Variants in DIAPH2 observed in about 807,000 individuals in gnomAD.
DIAPH2 encodes the protein diaphanous related formin 2.
DIAPH2 carries 35 observed loss-of-function variants against 92.7 expected under a neutral mutation model. The ratio of observed to expected loss-of-function variants is 0.38; its 90% CI spans 0.29 to 0.50. The LOEUF (loss-of-function observed/expected upper bound fraction) is 0.50, where lower values mean the gene tolerates loss of function less well. Ranked by LOEUF, DIAPH2 falls within the 20% of genes least tolerant of loss-of-function variation. The probability of loss-of-function intolerance (pLI) is 0.94; values close to 1 mark genes in which losing one functional copy is unlikely to be tolerated. For synonymous variants in DIAPH2, 301 were observed against 280.4 expected (o/e 1.07, Z -0.73); for missense variants, 701 against 819.5 (o/e 0.86, Z 1.77).
At chrX:97,428,744 TA>T (rs1338137464) in intron 25 of DIAPH2, among the ~76,000 whole-genome samples, 2 of 110,714 alleles carry the variant, frequency 1.8e-5, no homozygotes, top group Non-Finnish European at 3.8e-5. Context: ...GCCACCTATT[TA>T]GGGTCCTTTT....
intron 21 of DIAPH2, among the ~76,000 whole-genome samples, chrX:97,124,832 T>TA (rs751740835): frequency 2.7e-5 from 3 of 112,002 alleles, no homozygotes; most frequent in African/African-American, 9.7e-5. Context: ...ACATGGGACA[T>TA]ACTTGCCTTG....
At chrX:96,929,817 T>G (rs1179158214) in intron 9 of DIAPH2, among the ~76,000 whole-genome samples, 1 of 110,452 alleles carries the variant, frequency 9.1e-6, no homozygotes, top group Non-Finnish European at 1.9e-5. Flanking sequence ...TCTTTAAAAA[T>G]AAAAAAATAA....
intron 26 of DIAPH2, among the ~76,000 whole-genome samples, chrX:97,555,705 ACT>A (rs1358958548): frequency 9.0e-6 from 1 of 111,728 alleles, no homozygotes; most frequent in African/African-American, 3.3e-5. Flanking sequence ...TTTAAATAAA[ACT>A]CTGTGTCAAA....
intron 23 of DIAPH2, among the ~76,000 whole-genome samples, chrX:97,258,189 G>A (rs1303402553): frequency 9.0e-6 from 1 of 111,650 alleles, no homozygotes; most frequent in African/African-American, 3.3e-5. Flanking sequence ...TTTCACTTTG[G>A]TAGGAAAGAG....
At chrX:97,091,157 G>A in intron 19 of DIAPH2, among the ~76,000 whole-genome samples, 1 of 110,784 alleles carries the variant, frequency 9.0e-6, no homozygotes, top group East Asian at 2.8e-4. Flanking sequence ...TCCACCTCCT[G>A]TTCCCCACTT....
chrX:96,684,917 A>G lies in DIAPH2; in HGVS notation c.-142A>G. 1.3e-6 allele frequency: 1 copy of G among 760,931 alleles called. No homozygotes were observed. Among genetic ancestry groups the G allele is most frequent in the Non-Finnish European group, 1.7e-6 (1 of 592,021 alleles). 62.7% of individuals were successfully genotyped at this position (760,931 alleles called of 1,213,427 possible). ...GAGCCTGGAGTCCCGGGGGCCTGAA[A>G]TCGGCAGCTTCCCGGGCAGACACTC... On this transcript the variant is annotated 5_prime_UTR_variant, in exon 1 of 27. Coordinates refer to ENST00000324765, the MANE Select transcript of DIAPH2 (RefSeq NM_006729.5).
chrX:97,415,643 A>G (rs893765392), intron 25 of DIAPH2, among the ~76,000 whole-genome samples: 1 of 105,779 alleles, frequency 9.5e-6, no homozygotes, highest in Admixed American at 1.0e-4. Context: ...CATAGGTGGG[A>G]ATCTAACAAT....
In DIAPH2 at chrX:97,557,370, C is replaced by G. The variant is rs139154677; in HGVS notation, c.3242-41883C>G. 6.1e-3 allele frequency among the ~76,000 whole-genome samples: 683 copies of G among 111,675 alleles called. 2 individuals are homozygous for G. Among genetic ancestry groups the G allele is most frequent in the Non-Finnish European group, 7.9e-3 (421 of 53,129 alleles). Reference sequence around the variant, plus strand: ...CCTGGCCAACATGGTGAAACCCCATCTCTACCAAAAATACAAAAATTAGCT... The same window carrying G: ...CCTGGCCAACATGGTGAAACCCCATGTCTACCAAAAATACAAAAATTAGCT... On this transcript the variant is annotated intron_variant, in intron 26 of 26. Coordinates refer to ENST00000324765, the MANE Select transcript of DIAPH2 (RefSeq NM_006729.5).
chrX:97,182,299 G>A (rs761864849), intron 22 of DIAPH2, among the ~76,000 whole-genome samples: 6 of 112,009 alleles, frequency 5.4e-5, no homozygotes, highest in Non-Finnish European at 1.1e-4. Flanking sequence ...CATCTTGGCT[G>A]AAGCATAGGA....
chrX:96,722,343 C>T (rs1464330409), intron 1 of DIAPH2, among the ~76,000 whole-genome samples: 2 of 109,486 alleles, frequency 1.8e-5, no homozygotes, highest in Non-Finnish European at 1.9e-5. Flanking sequence ...GGCAGCAGAG[C>T]GAGACTCCGT....
At chrX:96,873,319 T>C (rs1213355026) in intron 4 of DIAPH2, among the ~76,000 whole-genome samples, 1 of 111,797 alleles carries the variant, frequency 8.9e-6, no homozygotes, top group Non-Finnish European at 1.9e-5. Context: ...TCCTTAAATA[T>C]TTTGGTTATT....
chrX:97,553,705 G>T (rs2071237459), intron 26 of DIAPH2, among the ~76,000 whole-genome samples: 1 of 108,914 alleles, frequency 9.2e-6, no homozygotes, highest in Non-Finnish European at 1.9e-5. Context: ...GAAGAAAATG[G>T]CTGGGAAAGC....
chrX:97,004,061 A>G (rs998018730), intron 17 of DIAPH2, among the ~76,000 whole-genome samples: 1 of 111,473 alleles, frequency 9.0e-6, no homozygotes, highest in Non-Finnish European at 1.9e-5. Context: ...CCCCCAATGT[A>G]TGTTCTTGGC....
chrX:97,492,223 T>C (rs1039215923), intron 26 of DIAPH2, among the ~76,000 whole-genome samples: 3 of 111,307 alleles, frequency 2.7e-5, no homozygotes, highest in African/African-American at 9.8e-5. Context: ...TCATTGAGTC[T>C]AGGAATTCAA....
intron 26 of DIAPH2, among the ~76,000 whole-genome samples, chrX:97,573,148 T>C (rs1160039674): frequency 1.8e-5 from 2 of 111,139 alleles, no homozygotes; most frequent in Admixed American, 1.9e-4. Context: ...AATGGGGTCA[T>C]TGAAGCAGTC....
At chrX:97,280,800 G>A (rs2068490664) in intron 23 of DIAPH2, among the ~76,000 whole-genome samples, 1 of 111,390 alleles carries the variant, frequency 9.0e-6, no homozygotes, top group Non-Finnish European at 1.9e-5. Flanking sequence ...AAGGTATTTG[G>A]AAGCCTGCTA....
At position 97,601,237 on chromosome X, in the gene DIAPH2, T is replaced by C. The variant is rs1165331618; in HGVS notation, c.*1920T>C. The C allele has an allele frequency of 8.9e-6, 1 of 112,069 alleles. No homozygotes were observed. The highest frequency in any genetic ancestry group is 1.9e-5 in the Non-Finnish European group (1 of 53,127). The allele number at this position is 112,069 out of a possible 1,213,427, so 9.2% of individuals were successfully genotyped here. A position where few individuals can be genotyped will look rare whatever the true frequency, so the allele number is the denominator to read the frequency against. On this transcript the variant is annotated 3_prime_UTR_variant, in exon 27 of 27. Coordinates refer to ENST00000324765, the MANE Select transcript of DIAPH2 (RefSeq NM_006729.5). ...CTTATCAGTCTGTAGGAGAATGATC[T>C]TGAAATGTTAACCCTGACTAAAATT...
intron 19 of DIAPH2, among the ~76,000 whole-genome samples, chrX:97,088,196 G>A (rs1461761282): frequency 8.9e-6 from 1 of 111,736 alleles, no homozygotes; most frequent in Non-Finnish European, 1.9e-5. Flanking sequence ...TGTGCATTAC[G>A]TTACTTACAT....
chrX:96,792,287 A>G (rs1204692035), intron 4 of DIAPH2, among the ~76,000 whole-genome samples: 2 of 111,569 alleles, frequency 1.8e-5, no homozygotes, highest in Non-Finnish European at 3.8e-5. Context: ...TGCTCCTTTT[A>G]TAGACGGTTT....
Sources: allele counts gnomAD v4.1 joint callset (sites outside exome capture counted in the v4.1 genomes callset), GRCh38; gene constraint gnomAD v4.1.1; transcripts MANE v1.5; gene names NCBI Gene and HGNC (gene_info 2026-07-23, HGNC 2026-07-21).